MEIS2: variants seen among roughly 807,000 people sequenced by gnomAD.
MEIS2 encodes the protein homeobox protein Meis2.
A neutral mutation model predicts 58.6 loss-of-function variants in MEIS2; 9 were observed. That is an observed-to-expected ratio of 0.15 (90% CI 0.09 to 0.27). The LOEUF (loss-of-function observed/expected upper bound fraction) is 0.27, where lower values mean the gene tolerates loss of function less well. Among genes scored for constraint, MEIS2 ranks in the 10% least tolerant of loss-of-function variants. MEIS2 has a pLI of 1.00. For synonymous variants in MEIS2, 221 were observed against 228.4 expected (o/e 0.97, Z 0.29); for missense variants, 427 against 635.0 (o/e 0.67, Z 3.52).
At chr15:37,068,543 C>G (rs1468969236) in intron 7 of MEIS2, among the ~76,000 whole-genome samples, 1 of 152,204 alleles carries the variant, frequency 6.6e-6, no homozygotes, top group Non-Finnish European at 1.5e-5. Flanking sequence ...ACAAACTAAG[C>G]ACTGAGCACT....
intron 8 of MEIS2, among the ~76,000 whole-genome samples, chr15:36,981,292 T>C (rs1008162339): frequency 2.5e-4 from 38 of 152,312 alleles, no homozygotes; most frequent in African/African-American, 8.9e-4. Context: ...CTCATTGTTT[T>C]GAGTAGTTTT....
At chr15:37,067,088 CT>C (rs542247552) in intron 7 of MEIS2, among the ~76,000 whole-genome samples, 432 of 129,562 alleles carry the variant, frequency 3.3e-3, no homozygotes, top group Middle Eastern at 8.5e-3. Context: ...GCAACTAACT[CT>C]TTTTTTTTTT....
intron 8 of MEIS2, among the ~76,000 whole-genome samples, chr15:37,000,567 T>A (rs1414306722): frequency 1.3e-5 from 2 of 152,128 alleles, no homozygotes; most frequent in African/African-American, 4.8e-5. Flanking sequence ...TTCCCCTTTT[T>A]TTCTCCTCTT....
chr15:37,098,425 A>AGAGAGAGAGAGAGAGAG (rs71126257), intron 1 of MEIS2: 8 of 1,177,884 alleles, frequency 6.8e-6, no homozygotes, highest in Non-Finnish European at 8.6e-6. Flanking sequence ...AGAGAGAGAG[A>AGAGAGAGAGAGAGAGAG]AAATAAAAAT....
At chr15:36,959,258 C>T (rs545247513) in intron 8 of MEIS2, among the ~76,000 whole-genome samples, 27 of 152,202 alleles carry the variant, frequency 1.8e-4, no homozygotes, top group African/African-American at 6.5e-4. Flanking sequence ...TTATAGATGC[C>T]AATATCCAGA....
chr15:37,063,250 C>A (rs1889470931), intron 7 of MEIS2, among the ~76,000 whole-genome samples: 1 of 152,146 alleles, frequency 6.6e-6, no homozygotes, highest in Admixed American at 6.5e-5. Context: ...AGGGTGGACG[C>A]AAACTTCTGG....
chr15:36,902,686 C>T (rs184074061), intron 9 of MEIS2, among the ~76,000 whole-genome samples: 83 of 152,222 alleles, frequency 5.5e-4, no homozygotes, highest in Non-Finnish European at 1.2e-4. Context: ...AGAATAGAAA[C>T]TTGCAAAGAT....
chr15:36,913,091 C>T (rs2057118729), intron 9 of MEIS2, among the ~76,000 whole-genome samples: 1 of 152,116 alleles, frequency 6.6e-6, no homozygotes, highest in African/African-American at 2.4e-5. Context: ...AATTCTAAGG[C>T]AGAACTATAC....
intron 7 of MEIS2, among the ~76,000 whole-genome samples, chr15:37,063,310 C>A (rs575267187): frequency 6.6e-6 from 1 of 152,150 alleles, no homozygotes; most frequent in Non-Finnish European, 1.5e-5. Flanking sequence ...GGATTACTGG[C>A]GTGCACTACT....
intron 8 of MEIS2, among the ~76,000 whole-genome samples, chr15:36,968,359 A>C (rs1180695712): frequency 2.0e-5 from 3 of 152,158 alleles, no homozygotes; most frequent in Admixed American, 1.3e-4. Flanking sequence ...GTGGGTTGAA[A>C]AATAGGGGTT....
intron 8 of MEIS2, among the ~76,000 whole-genome samples, chr15:36,995,732 CAAAG>C (rs1272539782): frequency 3.6e-5 from 1 of 28,088 alleles, no homozygotes; most frequent in Non-Finnish European, 6.6e-5. Context: ...AAAAAAAAAA[CAAAG>C]AAAAGAAAAG....
Position 36,892,093 on chromosome 15 carries a change from A to G in MEIS2, c.*80T>C. On this transcript the variant is annotated 3_prime_UTR_variant, in exon 12 of 12. Coordinates refer to ENST00000561208, the MANE Select transcript of MEIS2 (RefSeq NM_170675.5). ...CACAGCTGTCTGGAATTTCATATTA[A>G]GTGTCAACATCTGGTCAAAGTTCAG... 1 of 1,410,670 alleles carries G rather than the reference A, an allele frequency of 7.1e-7. No homozygotes were observed. Among genetic ancestry groups the G allele is most frequent in the Non-Finnish European group, 9.9e-7 (1 of 1,012,856 alleles). The allele number at this position is 1,410,670 out of a possible 1,614,324, so 87.4% of individuals were successfully genotyped here. A position where few individuals can be genotyped will look rare whatever the true frequency, so the allele number is the denominator to read the frequency against.
chr15:37,026,541 G>A (rs2141694630), intron 8 of MEIS2, among the ~76,000 whole-genome samples: 1 of 152,258 alleles, frequency 6.6e-6, no homozygotes, highest in African/African-American at 2.4e-5. Context: ...TAAATTAACA[G>A]CAGCAACAAG....
rs143470297 is a variant in MEIS2, at chr15:36,894,709, G to A, written c.1147+442C>T. Reference sequence around the variant, plus strand: ...TAGTGAAGACAGATCGCACCCGACTGTACTTACTTCCCCCTTGCTTTGCGA... The same window carrying A: ...TAGTGAAGACAGATCGCACCCGACTATACTTACTTCCCCCTTGCTTTGCGA... On this transcript the variant is annotated intron_variant, in intron 11 of 11. Transcript: ENST00000561208. 1.5e-3 allele frequency: 2,349 copies of A among 1,596,276 alleles called. 29 individuals are homozygous for A. In the African/African-American group the frequency reaches 0.028, roughly 19 times the overall value.
At chr15:37,077,922 C>T (rs556144164) in intron 7 of MEIS2, among the ~76,000 whole-genome samples, 6 of 152,172 alleles carry the variant, frequency 3.9e-5, no homozygotes, top group East Asian at 1.9e-4. Flanking sequence ...AGAGCTTTCC[C>T]GTAAATGTCT....
intron 8 of MEIS2, among the ~76,000 whole-genome samples, chr15:37,016,660 A>G (rs1232213992): frequency 6.6e-6 from 1 of 152,210 alleles, no homozygotes; most frequent in Non-Finnish European, 1.5e-5. Context: ...TTATGCATAT[A>G]ATAGGAACTT....
intron 7 of MEIS2, among the ~76,000 whole-genome samples, chr15:37,050,656 C>T (rs2062877062): frequency 6.6e-6 from 1 of 152,174 alleles, no homozygotes; most frequent in African/African-American, 2.4e-5. Flanking sequence ...ACACTGGAGA[C>T]TGGCTTCTGA....
At chr15:37,075,060 C>T (rs989676485) in intron 7 of MEIS2, among the ~76,000 whole-genome samples, 2 of 151,908 alleles carry the variant, frequency 1.3e-5, no homozygotes, top group African/African-American at 4.8e-5. Context: ...TGTGTGAAGA[C>T]CCACCAATGA....
chr15:37,059,594 A>G (rs1888906611), intron 7 of MEIS2, among the ~76,000 whole-genome samples: 1 of 152,118 alleles, frequency 6.6e-6, no homozygotes. Context: ...CTTGCAGATA[A>G]ATAAAATTTT....
Sources: allele counts gnomAD v4.1 joint callset (sites outside exome capture counted in the v4.1 genomes callset), GRCh38; gene constraint gnomAD v4.1.1; transcripts MANE v1.5; gene names NCBI Gene and HGNC (gene_info 2026-07-23, HGNC 2026-07-21).